Variants in GIPR observed in about 807,000 individuals in gnomAD.
GIPR encodes GIP-R.
A neutral mutation model predicts 62.2 loss-of-function variants in GIPR; 74 were observed. The observed-to-expected ratio is 1.19, with a 90% CI of 0.99 to 1.44. The LOEUF (loss-of-function observed/expected upper bound fraction) is 1.44. Ranked by LOEUF, GIPR falls within the 40% of genes most tolerant of loss-of-function variation. GIPR has a pLI of 0.00. For synonymous variants in GIPR, 256 were observed against 262.2 expected (o/e 0.98, Z 0.23); for missense variants, 664 against 611.8 (o/e 1.09, Z -0.90).
intron 3 of GIPR, 21 bp from the exon 4 acceptor site, chr19:45,671,264 G>C: frequency 1.4e-6 from 2 of 1,473,672 alleles, no homozygotes; most frequent in South Asian, 1.1e-5. Flanking sequence ...CTGGGCACCT[G>C]GCCCCCGTGC....
intron 4 of GIPR, 109 bp from the exon 5 acceptor site, chr19:45,672,742 C>G: frequency 1.4e-6 from 1 of 720,464 alleles, no homozygotes; most frequent in Non-Finnish European, 2.6e-6. Context: ...TCATCATCAT[C>G]ATCATCACCA....
At chr19:45,668,518 C>A (rs1975376100) in intron 1 of GIPR, among the ~76,000 whole-genome samples, 1 of 152,232 alleles carries the variant, frequency 6.6e-6, no homozygotes, top group Non-Finnish European at 1.5e-5. Flanking sequence ...TCTCCCTCCA[C>A]GTCTCTGCCT....
In GIPR at chr19:45,674,284, G is replaced by T. The variant is rs773249683; in HGVS notation, c.488+107G>T. ...CACCAGGTCCAGCTATCCACTGGTGGTTCTATGGGGAGCAGTGGGGGTGGT... is the reference window on the plus strand; with the variant it reads ...CACCAGGTCCAGCTATCCACTGGTGTTTCTATGGGGAGCAGTGGGGGTGGT... On this transcript the variant is annotated intron_variant, in intron 6 of 13. Transcript: ENST00000590918. 3.6e-5 allele frequency: 29 copies of T among 808,990 alleles called. No homozygotes were observed. The East Asian group carries it at 6.1e-4, about 17-fold the overall frequency. 50.1% of individuals were successfully genotyped at this position (808,990 alleles called of 1,614,324 possible). A position where few individuals can be genotyped will look rare whatever the true frequency, so the allele number is the denominator to read the frequency against.
At position 45,681,638 on chromosome 19, in the gene GIPR, A is replaced by G. The variant is rs1225944553; in HGVS notation, c.1187A>G (p.Asn396Ser). ...FLVSVLYCFI[N>S]KEVQSEIRRG... ...GTCAGCGTCCTCTACTGCTTCATCA[A>G]CAAGGAGGTAGGCAGAGACCCGGCC... The change falls in exon 13 of 14, where the codon AAC becomes AGC. Residue 396 changes from asparagine to serine, a missense_variant. Asn to Ser is a conservative substitution (Grantham distance 46). Coordinates refer to ENST00000590918, the MANE Select transcript of GIPR (RefSeq NM_000164.4). 1.9e-6 allele frequency: 3 copies of G among 1,613,702 alleles called. No individual in the cohort carries two copies. Among genetic ancestry groups the G allele is most frequent in the East Asian group, 2.2e-5 (1 of 44,878 alleles).
chr19:45,674,472 G>C, intron 6 of GIPR: 1 of 635,008 alleles, frequency 1.6e-6, no homozygotes. Flanking sequence ...AGGCATACTG[G>C]TGGTGCACCT....
At chr19:45,677,410 G>A (rs746325803) in intron 9 of GIPR, 27 bp downstream of exon 9, 3 of 1,376,220 alleles carry the variant, frequency 2.2e-6, no homozygotes, top group South Asian at 2.3e-5. Context: ...GGGGCGGGGC[G>A]TGGGAGGTGG....
At chr19:45,671,875 G>A (rs1183417492) in intron 4 of GIPR, among the ~76,000 whole-genome samples, 1 of 151,882 alleles carries the variant, frequency 6.6e-6, no homozygotes, top group South Asian at 2.1e-4. Flanking sequence ...GCCGGCCTTG[G>A]CTTCCCAAAG....
At position 45,669,518 on chromosome 19, in the gene GIPR, A is replaced by G. The variant is rs537983333; in HGVS notation, c.-3A>G. Reference sequence around the variant, plus strand: ...ACGAACCAGACCCTTCGCCGCCCTCACGATGACTACCTCTCCGATCCTGCA... The same window carrying G: ...ACGAACCAGACCCTTCGCCGCCCTCGCGATGACTACCTCTCCGATCCTGCA... On this transcript the variant is annotated 5_prime_UTR_variant, in exon 2 of 14. Coordinates refer to ENST00000590918, the MANE Select transcript of GIPR (RefSeq NM_000164.4). The G allele has an allele frequency of 1.9e-6, 3 of 1,573,252 alleles. No homozygotes were observed. The East Asian group carries it at 6.9e-5, about 36-fold the overall frequency.
At chr19:45,675,029 T>G (rs1975763465) in intron 7 of GIPR, 2 of 639,744 alleles carry the variant, frequency 3.1e-6, no homozygotes, top group South Asian at 3.6e-5. Context: ...ATCATTTAAC[T>G]CTCCCAGCCT....
intron 5 of GIPR, among the ~76,000 whole-genome samples, chr19:45,673,674 G>C (rs2146079621): frequency 6.6e-6 from 1 of 151,944 alleles, no homozygotes; most frequent in Admixed American, 6.6e-5. Context: ...GACCATTCTG[G>C]CCAACATGGT....
chr19:45,674,071 C>CAGGACCAAAGGCTCATCTTGGA lies in GIPR; in HGVS notation c.385-2_404dup. The CAGGACCAAAGGCTCATCTTGGA allele has an allele frequency of 1.9e-6, 3 of 1,597,128 alleles. No individual in the cohort carries two copies. Among genetic ancestry groups the CAGGACCAAAGGCTCATCTTGGA allele is most frequent in the Non-Finnish European group, 1.7e-6 (2 of 1,164,520 alleles). ...GTTCCCTTCCCCTTCTTGCCCCGAC[C>CAGGACCAAAGGCTCATCTTGGA]AGGACCAAAGGCTCATCTTGGAGCG... is the stretch of plus-strand genomic sequence containing the variant. On this transcript the variant is annotated splice_region_variant and splice_polypyrimidine_tract_variant and intron_variant, in intron 5 of 13. Transcript: ENST00000590918.
At chr19:45,670,614 C>A in intron 2 of GIPR, 21 bp from the exon 3 acceptor site, 3 of 1,576,212 alleles carry the variant, frequency 1.9e-6, no homozygotes, top group Non-Finnish European at 2.6e-6. Flanking sequence ...TGGGGGGGTC[C>A]TCCCTTCTTT....
chr19:45,669,512 G>A lies in GIPR; in HGVS notation c.-9G>A, dbSNP rs1439633009. On this transcript the variant is annotated 5_prime_UTR_variant, in exon 2 of 14. Coordinates refer to ENST00000590918, the MANE Select transcript of GIPR (RefSeq NM_000164.4). ...CCCTGCACGAACCAGACCCTTCGCC[G>A]CCCTCACGATGACTACCTCTCCGAT... 6 of 1,569,698 alleles carry A rather than the reference G, an allele frequency of 3.8e-6. No individual in the cohort carries two copies. Among genetic ancestry groups the A allele is most frequent in the Non-Finnish European group, 5.2e-6 (6 of 1,160,646 alleles).
chr19:45,670,796 T>TG, intron 3 of GIPR, 62 bp downstream of exon 3: 1 of 571,140 alleles, frequency 1.8e-6, no homozygotes, highest in Non-Finnish European at 2.7e-6. Flanking sequence ...GGGCTTGGGA[T>TG]GGGCCTTGGG....
intron 7 of GIPR, among the ~76,000 whole-genome samples, chr19:45,675,687 G>T (rs1235688993): frequency 1.4e-5 from 2 of 148,074 alleles, no homozygotes; most frequent in African/African-American, 5.0e-5. Context: ...AGGAGTTCAA[G>T]ACCAGCCTGG....
chr19:45,681,526 A>C, intron 12 of GIPR, 78 bp from the exon 13 acceptor site: 1 of 1,238,798 alleles, frequency 8.1e-7, no homozygotes, highest in Non-Finnish European at 1.2e-6. Flanking sequence ...AAACAAACAA[A>C]AAACGGGGAG....
chr19:45,671,262 C>A, intron 3 of GIPR, 23 bp from the exon 4 acceptor site: 1 of 1,427,726 alleles, frequency 7.0e-7, no homozygotes. Flanking sequence ...CACTGGGCAC[C>A]TGGCCCCCGT....
Position 45,674,095 on chromosome 19 carries a change from C to A in GIPR, c.406C>A (p.Arg136=). ...CCAGGACCAAAGGCTCATCTTGGAG[C>A]GGTTGCAGGTCATGTACACTGTCGG... ...AFLDQRLILE[R]LQVMYTVGYS... is the part of the protein sequence containing the mutation. The change falls in exon 6 of 14, where the codon CGG becomes AGG. Residue 136 remains arginine (R), a synonymous_variant. Coordinates refer to ENST00000590918, the MANE Select transcript of GIPR (RefSeq NM_000164.4). 1 of 1,611,050 alleles carries A rather than the reference C, an allele frequency of 6.2e-7. No homozygotes were observed. The highest frequency in any genetic ancestry group is 8.5e-7 in the Non-Finnish European group (1 of 1,177,200).
chr19:45,677,232 A>G, intron 8 of GIPR, 91 bp from the exon 9 acceptor site: 1 of 1,369,534 alleles, frequency 7.3e-7, no homozygotes, highest in Non-Finnish European at 1.0e-6. Context: ...CCACCCCGAC[A>G]GAGGAATTCC....
Sources: gnomAD v4.1 joint callset for allele counts (sites outside exome capture counted in the v4.1 genomes callset) on GRCh38, gnomAD v4.1.1 for gene constraint, MANE v1.5 for transcripts, NCBI Gene and HGNC (gene_info 2026-07-23, HGNC 2026-07-21) for gene names.